The following TP53I11 variants were observed in gnomAD, a reference collection of about 807,000 sequenced individuals.
The protein encoded by TP53I11 is tumor protein p53-inducible protein 11.
In TP53I11, 9 loss-of-function variants were observed where a neutral mutation model predicts 23.3. That is an observed-to-expected ratio of 0.39 (90% confidence interval 0.23 to 0.67). The LOEUF is 0.67. Among genes scored for constraint, TP53I11 ranks in the 30% least tolerant of loss-of-function variants. The pLI is 0.48. For missense variants in TP53I11, 170 were observed against 255.2 expected (o/e 0.67, Z 2.27); for synonymous variants, 100 against 106.1 (o/e 0.94, Z 0.35).
chr11:44,942,654 G>A (rs1443433821), intron 1 of TP53I11, among the ~76,000 whole-genome samples: 2 of 152,192 alleles, frequency 1.3e-5, no homozygotes, highest in Non-Finnish European at 2.9e-5. Flanking sequence ...CATCTGAGCT[G>A]GTGGGAACCA....
At chr11:44,946,496 G>T (rs1474746239) in intron 1 of TP53I11, among the ~76,000 whole-genome samples, 1 of 152,260 alleles carries the variant, frequency 6.6e-6, no homozygotes, top group Non-Finnish European at 1.5e-5. Context: ...AGTGAGGACA[G>T]AGCGGAACTG....
intron 1 of TP53I11, among the ~76,000 whole-genome samples, chr11:44,945,896 G>A (rs1263348718): frequency 2.6e-5 from 4 of 152,128 alleles, no homozygotes; most frequent in East Asian, 1.9e-4. Context: ...GGCTGCCGTC[G>A]GCCCCTTGGG....
At chr11:44,941,449 G>A (rs898868960) in intron 1 of TP53I11, among the ~76,000 whole-genome samples, 56 of 152,156 alleles carry the variant, frequency 3.7e-4, no homozygotes, top group Non-Finnish European at 7.4e-4. Context: ...AACTGCTGAG[G>A]ACGCTCCCTG....
chr11:44,937,764 G>A, intron 2 of TP53I11, 151 bp from the exon 3 acceptor site: 3 of 704,620 alleles, frequency 4.3e-6, no homozygotes, highest in Non-Finnish European at 7.3e-6. Flanking sequence ...GTCACATGAG[G>A]CCACCCCCTC....
chr11:44,946,626 T>A (rs1185453876), intron 1 of TP53I11, among the ~76,000 whole-genome samples: 2 of 152,228 alleles, frequency 1.3e-5, no homozygotes, highest in African/African-American at 2.4e-5. Flanking sequence ...CAGGAACATG[T>A]GCCCTGAGAT....
chr11:44,935,699 C>G (rs889993859), intron 5 of TP53I11, 37 bp from the exon 6 acceptor site: 2 of 1,361,180 alleles, frequency 1.5e-6, no homozygotes, highest in South Asian at 1.2e-5. Context: ...GGGGGTGGGA[C>G]AGCTGACTCC....
intron 1 of TP53I11, among the ~76,000 whole-genome samples, chr11:44,945,804 AAGAAT>A (rs995648488): frequency 6.6e-6 from 1 of 152,172 alleles, no homozygotes; most frequent in Non-Finnish European, 1.5e-5. Context: ...AGGCAGGAGA[AAGAAT>A]CTCTGCTCCC....
Position 44,935,574 on chromosome 11 carries a change from C to G in TP53I11, c.423G>C (p.Gly141=). ...CTCAGGACTCACCCAAGAACTGGACCCCGAAATAGCAAGCTTCGGTGAGCA... is the reference window on the plus strand; with the variant it reads ...CTCAGGACTCACCCAAGAACTGGACGCCGAAATAGCAAGCTTCGGTGAGCA... ...WTLLTEACYF[G]VQFLVVTATL... is the part of the protein sequence containing the mutation. The change falls in exon 6 of 7, where the codon GGG becomes GGC. Residue 141 remains glycine (G), a synonymous_variant. Coordinates refer to ENST00000525680, the MANE Select transcript of TP53I11 (RefSeq NM_006034.5). The G allele has an allele frequency of 3.1e-6, 5 of 1,614,056 alleles. No homozygotes were observed. Among genetic ancestry groups the G allele is most frequent in the Non-Finnish European group, 3.4e-6 (4 of 1,179,980 alleles).
intron 1 of TP53I11, among the ~76,000 whole-genome samples, chr11:44,949,625 G>GCGCCC (rs935119828): frequency 3.9e-5 from 6 of 151,978 alleles, no homozygotes; most frequent in African/African-American, 7.2e-5. Flanking sequence ...CCCAAGGCGA[G>GCGCCC]CGCCCCGCCC....
Position 44,936,472 on chromosome 11 carries a change from G to A in TP53I11, c.334+331C>T. The A allele has an allele frequency of 8.1e-7, 1 of 1,235,192 alleles. No homozygotes were observed. Among genetic ancestry groups the A allele is most frequent in the Non-Finnish European group, 1.0e-6 (1 of 990,482 alleles). The allele number at this position is 1,235,192 out of a possible 1,614,324, so 76.5% of individuals were successfully genotyped here. On this transcript the variant is annotated intron_variant, in intron 5 of 6. Transcript: ENST00000525680. The surrounding 1 kb of genome is among the most constrained non-coding windows in gnomAD (Gnocchi z 4.4). ...GGTTTTGCAGACACTGAATTGATCT[G>A]CCTCTCCTCTAGGCTGTGAATTCCT... is the stretch of plus-strand genomic sequence containing the variant.
At position 44,934,508 on chromosome 11, in the gene TP53I11, A is replaced by T. The variant is rs1272373459; in HGVS notation, c.*376T>A. 1 of 189,418 alleles carries T rather than the reference A, an allele frequency of 5.3e-6. No individual in the cohort carries two copies. The allele number at this position is 189,418 out of a possible 1,614,324, so 11.7% of individuals were successfully genotyped here. On this transcript the variant is annotated 3_prime_UTR_variant, in exon 7 of 7. Transcript: ENST00000525680. Reference sequence around the variant, plus strand: ...GGTCACAGCCTCTCTCAAAAGCAAGAAGGGCTTCCTGGCAGAAGAGGCTGG... The same window carrying T: ...GGTCACAGCCTCTCTCAAAAGCAAGTAGGGCTTCCTGGCAGAAGAGGCTGG...
Position 44,935,587 on chromosome 11 carries a change from G to T in TP53I11, c.410C>A (p.Ala137Asp). The change falls in exon 6 of 7, where the codon GCT becomes GAT. Residue 137 changes from alanine (A) to aspartate (D), a missense_variant. Coordinates refer to ENST00000525680, the MANE Select transcript of TP53I11 (RefSeq NM_006034.5). ...VIIRWTLLTE[A>D]CYFGVQFLVV... The stretch of plus-strand genomic sequence containing the variant: ...CAAGAACTGGACCCCGAAATAGCAA[G>T]CTTCGGTGAGCAGGGTCCATCGAAT... The T allele has an allele frequency of 6.2e-7, 1 of 1,613,970 alleles. No individual in the cohort carries two copies. Among genetic ancestry groups the T allele is most frequent in the East Asian group, 2.2e-5 (1 of 44,870 alleles).
At position 44,933,155 on chromosome 11, in the gene TP53I11, G is replaced by T. The variant is rs772918925; in HGVS notation, c.*1729C>A. ...GCCAGGAGAGGGGCCCTTCCTCAGG[G>T]TCCAGCCTCCCATTCTGCTCTGCCA... On this transcript the variant is annotated 3_prime_UTR_variant, in exon 7 of 7. Transcript: ENST00000525680. 6.6e-6 allele frequency: 1 copy of T among 152,234 alleles called. No individual in the cohort carries two copies. Among genetic ancestry groups the T allele is most frequent in the African/African-American group, 2.4e-5 (1 of 41,420 alleles). 9.4% of individuals were successfully genotyped at this position (152,234 alleles called of 1,614,324 possible). A position where few individuals can be genotyped will look rare whatever the true frequency, so the allele number is the denominator to read the frequency against.
rs753852301 is a variant in TP53I11 at position 44,936,696 on chromosome 11, G to C, written c.334+107C>G. 2.2e-6 allele frequency: 3 copies of C among 1,361,348 alleles called. No individual in the cohort carries two copies. Among genetic ancestry groups the C allele is most frequent in the South Asian group, 1.8e-5 (1 of 56,848 alleles). 84.3% of individuals were successfully genotyped at this position (1,361,348 alleles called of 1,614,324 possible). A position where few individuals can be genotyped will look rare whatever the true frequency, so the allele number is the denominator to read the frequency against. On this transcript the variant is annotated intron_variant, in intron 5 of 6. Coordinates refer to ENST00000525680, the MANE Select transcript of TP53I11 (RefSeq NM_006034.5). The surrounding 1 kb of genome is among the most constrained non-coding windows in gnomAD (Gnocchi z 4.4). ...CGGGGTGTGGGCGCAGCATCTGGCC[G>C]AAGAAAGGAAGGGGTGCCCGGGCAC...
At position 44,936,777 on chromosome 11, in the gene TP53I11, C is replaced by G; in HGVS notation, c.334+26G>C. ...GTCTCCCAGCTGCCCGTCGCCTCCC[C>G]CAGGGCCCGCCCCAGCAGTACTCAC... On this transcript the variant is annotated intron_variant, in intron 5 of 6. Coordinates refer to ENST00000525680, the MANE Select transcript of TP53I11 (RefSeq NM_006034.5). This position sits in a 1 kb window ranked among gnomAD's most constrained non-coding sequence, Gnocchi z 4.4. 1 of 1,519,026 alleles carries G rather than the reference C, an allele frequency of 6.6e-7. No individual in the cohort carries two copies. The highest frequency in any genetic ancestry group is 8.8e-7 in the Non-Finnish European group (1 of 1,136,458). 94.1% of individuals were successfully genotyped at this position (1,519,026 alleles called of 1,614,324 possible).
intron 1 of TP53I11, among the ~76,000 whole-genome samples, chr11:44,942,771 C>T (rs1862015947): frequency 6.6e-6 from 1 of 152,156 alleles, no homozygotes; most frequent in Non-Finnish European, 1.5e-5. Context: ...AGGAGGGCCC[C>T]ACACCCACCT....
intron 1 of TP53I11, among the ~76,000 whole-genome samples, chr11:44,944,975 G>T (rs145031163): frequency 8.5e-5 from 13 of 152,220 alleles, no homozygotes; most frequent in African/African-American, 2.4e-4. Context: ...ATGGACTGCC[G>T]AGCTGTCCCC....
Position 44,936,554 on chromosome 11 carries a change from C to T in TP53I11, c.334+249G>A. The T allele has an allele frequency of 1.6e-6, 2 of 1,280,352 alleles. No homozygotes were observed. The highest frequency in any genetic ancestry group is 2.0e-6 in the Non-Finnish European group (2 of 1,013,970). 79.3% of individuals were successfully genotyped at this position (1,280,352 alleles called of 1,614,324 possible). A position where few individuals can be genotyped will look rare whatever the true frequency, so the allele number is the denominator to read the frequency against. ...TACCACAACGCCCAGAGGCAGTGCA[C>T]ACACTTATGAGCGCTCCTTGCAGAT... On this transcript the variant is annotated intron_variant, in intron 5 of 6. Transcript: ENST00000525680. The surrounding 1 kb of genome is among the most constrained non-coding windows in gnomAD (Gnocchi z 4.4).
At chr11:44,944,921 AC>A (rs1862242205) in intron 1 of TP53I11, among the ~76,000 whole-genome samples, 1 of 152,102 alleles carries the variant, frequency 6.6e-6, no homozygotes. Context: ...GACTTCCCCA[AC>A]CCCCTGTCTC....
Sources: allele counts gnomAD v4.1 joint callset (sites outside exome capture counted in the v4.1 genomes callset), GRCh38; gene constraint gnomAD v4.1.1; non-coding constraint Gnocchi (gnomAD v3.1); transcripts MANE v1.5; gene names NCBI Gene and HGNC (gene_info 2026-07-23, HGNC 2026-07-21).